LSAMP: variants seen among roughly 807,000 people sequenced by gnomAD.
LSAMP encodes the protein limbic system-associated membrane protein.
LSAMP carries 7 observed loss-of-function variants against 38.6 expected under a neutral mutation model. The observed-to-expected ratio is 0.18, with a 90% CI of 0.10 to 0.34. The LOEUF (loss-of-function observed/expected upper bound fraction) is 0.34. LSAMP is among the 10% of genes least tolerant of loss of function. The pLI, the probability that LSAMP is intolerant of heterozygous loss-of-function variation, is 1.00. For synonymous variants in LSAMP, 154 were observed against 166.8 expected, an observed-to-expected ratio of 0.92 and a Z score of 0.59; for missense variants, 313 against 420.0, an observed-to-expected ratio of 0.75 and a Z score of 2.23.
chr3:115,982,610 C>A (rs1939394234), intron 3 of LSAMP, among the ~76,000 whole-genome samples: 1 of 152,094 alleles, frequency 6.6e-6, no homozygotes, highest in South Asian at 2.1e-4. Context: ...TTTTAAAAAC[C>A]TTTTCCTATG....
intron 1 of LSAMP, among the ~76,000 whole-genome samples, chr3:116,351,085 T>A (rs1312018346): frequency 1.3e-5 from 2 of 151,980 alleles, no homozygotes; most frequent in Admixed American, 1.3e-4. Context: ...ACCTCTTTTT[T>A]TTTCAGCCCT....
intron 1 of LSAMP, among the ~76,000 whole-genome samples, chr3:116,255,431 A>G (rs938382999): frequency 6.6e-6 from 1 of 152,198 alleles, no homozygotes; most frequent in Non-Finnish European, 1.5e-5. Flanking sequence ...GCAGGAGTCC[A>G]CAAGCTAGAA....
chr3:116,009,802 T>C (rs2107673644), intron 3 of LSAMP, among the ~76,000 whole-genome samples: 1 of 152,086 alleles, frequency 6.6e-6, no homozygotes, highest in South Asian at 2.1e-4. Context: ...TCACCCCCAC[T>C]ATAGCACAAG....
intron 2 of LSAMP, among the ~76,000 whole-genome samples, chr3:116,046,805 C>T (rs2107726577): frequency 6.6e-6 from 1 of 152,242 alleles, no homozygotes; most frequent in East Asian, 1.9e-4. Context: ...CCAACAGGGC[C>T]AAAACACACA....
chr3:116,066,180 G>C (rs2107368162), intron 2 of LSAMP, among the ~76,000 whole-genome samples: 1 of 152,260 alleles, frequency 6.6e-6, no homozygotes, highest in East Asian at 1.9e-4. Flanking sequence ...TGTCCTCACA[G>C]AGTATGGAAG....
intron 3 of LSAMP, among the ~76,000 whole-genome samples, chr3:115,870,034 TTAAAA>T (rs1176798510): frequency 6.6e-6 from 1 of 152,058 alleles, no homozygotes; most frequent in East Asian, 1.9e-4. Context: ...AGTTAAAAAA[TTAAAA>T]TAATATTTTT....
chr3:116,091,644 G>C (rs555472573), intron 1 of LSAMP, among the ~76,000 whole-genome samples: 16 of 152,272 alleles, frequency 1.1e-4, no homozygotes, highest in Non-Finnish European at 2.2e-4. Flanking sequence ...CTGACTTCCC[G>C]CAACAATTTT....
At chr3:116,061,334 T>C (rs138773118) in intron 2 of LSAMP, among the ~76,000 whole-genome samples, 1 of 152,318 alleles carries the variant, frequency 6.6e-6, no homozygotes, top group Non-Finnish European at 1.5e-5. Flanking sequence ...TAAATAAATT[T>C]AAGCAATTAA....
intron 1 of LSAMP, among the ~76,000 whole-genome samples, chr3:116,232,149 TCTCTGC>T (rs2046408734): frequency 6.6e-6 from 1 of 152,106 alleles, no homozygotes; most frequent in East Asian, 1.9e-4. Context: ...AATCAATAGC[TCTCTGC>T]ATGGGTTTTA....
At chr3:116,367,311 G>C (rs1576166461) in intron 1 of LSAMP, among the ~76,000 whole-genome samples, 1 of 152,024 alleles carries the variant, frequency 6.6e-6, no homozygotes, top group Admixed American at 6.6e-5. Flanking sequence ...GGTAAAAAGA[G>C]AAATCAGGAA....
At chr3:116,017,874 A>G (rs1275067348) in intron 3 of LSAMP, among the ~76,000 whole-genome samples, 1 of 152,158 alleles carries the variant, frequency 6.6e-6, no homozygotes, top group Admixed American at 6.6e-5. Context: ...AATATCCTTA[A>G]ATATGAGCCA....
chr3:116,425,480 C>T (rs2049182278), intron 1 of LSAMP, among the ~76,000 whole-genome samples: 1 of 152,220 alleles, frequency 6.6e-6, no homozygotes, highest in African/African-American at 2.4e-5. Flanking sequence ...GCTCTGCTAA[C>T]AACTAGTTGT....
chr3:115,989,371 T>C (rs1939603013), intron 3 of LSAMP, among the ~76,000 whole-genome samples: 1 of 152,116 alleles, frequency 6.6e-6, no homozygotes, highest in African/African-American at 2.4e-5. Flanking sequence ...CCGTAAATAG[T>C]ACTTTATTTT....
chr3:116,373,497 G>A (rs1428148934), intron 1 of LSAMP, among the ~76,000 whole-genome samples: 7 of 151,666 alleles, frequency 4.6e-5, no homozygotes, highest in South Asian at 2.1e-4. Flanking sequence ...TTATGGAGAT[G>A]ATAGTAGTGA....
intron 1 of LSAMP, among the ~76,000 whole-genome samples, chr3:116,357,469 G>A (rs1321642714): frequency 6.6e-6 from 1 of 152,062 alleles, no homozygotes; most frequent in Non-Finnish European, 1.5e-5. Flanking sequence ...TCCAAAGCAT[G>A]TACAGATGAC....
intron 3 of LSAMP, among the ~76,000 whole-genome samples, chr3:115,895,103 C>A (rs1298714944): frequency 6.6e-6 from 1 of 152,092 alleles, no homozygotes; most frequent in Non-Finnish European, 1.5e-5. Context: ...CTATGCTTCC[C>A]TCCCATTGAC....
chr3:115,813,148 A>G (rs1933894260), intron 6 of LSAMP, among the ~76,000 whole-genome samples: 1 of 152,112 alleles, frequency 6.6e-6, no homozygotes, highest in African/African-American at 2.4e-5. Flanking sequence ...TATGTTAATA[A>G]TCTTTAATTT....
At chr3:116,273,707 T>TATATATATATATATATATATACACAC (rs1307543165) in intron 1 of LSAMP, among the ~76,000 whole-genome samples, 14 of 102,588 alleles carry the variant, frequency 1.4e-4, no homozygotes, top group African/African-American at 3.8e-4. Context: ...TATATATATA[T>TATATATATATATATATATATACACAC]ACACACACAC....
intron 1 of LSAMP, among the ~76,000 whole-genome samples, chr3:116,105,923 G>A (rs1708456066): frequency 6.6e-6 from 1 of 152,122 alleles, no homozygotes; most frequent in Non-Finnish European, 1.5e-5. Context: ...GCGGGATTAG[G>A]GGCGGCGTGG....
Sources: allele counts gnomAD v4.1 joint callset (sites outside exome capture counted in the v4.1 genomes callset), GRCh38; gene constraint gnomAD v4.1.1; transcripts MANE v1.5; gene names NCBI Gene and HGNC (gene_info 2026-07-23, HGNC 2026-07-21).